BRD1: variants seen among roughly 807,000 people sequenced by gnomAD.
BRD1 encodes bromodomain-containing protein 1.
In BRD1, 24 loss-of-function variants were observed where a neutral mutation model predicts 107.7. The observed-to-expected ratio is 0.22, with a 90% CI of 0.16 to 0.31. The LOEUF (loss-of-function observed/expected upper bound fraction) is 0.31. BRD1 is among the 10% of genes least tolerant of loss of function. BRD1 has a pLI of 1.00. For missense variants in BRD1, 1,279 were observed against 1,638.6 expected (o/e 0.78, Z 3.79); for synonymous variants, 744 against 686.1 (o/e 1.08, Z -1.32).
chr22:49,786,299 G>T lies in BRD1; in HGVS notation c.2857+1091C>A, dbSNP rs533762008. ...CTCCAGAAGCGCAGCCAGTACCGAA[G>T]AAGCAAACCGATGACAGCTGCTCCT... On this transcript the variant is annotated intron_variant, in intron 8 of 12. Transcript: ENST00000404760. 2.0e-5 allele frequency among the ~76,000 whole-genome samples: 3 copies of T among 152,326 alleles called. No individual in the cohort carries two copies. In the East Asian group the frequency reaches 5.8e-4, roughly 29 times the overall value.
At chr22:49,807,822 T>C (rs547909582) in intron 2 of BRD1, among the ~76,000 whole-genome samples, 40 of 152,266 alleles carry the variant, frequency 2.6e-4, no homozygotes, top group African/African-American at 9.4e-4. Context: ...GAGGAAATAT[T>C]TTCAAATCAC....
At chr22:49,794,948 A>G (rs776421886) in intron 6 of BRD1, among the ~76,000 whole-genome samples, 3 of 152,236 alleles carry the variant, frequency 2.0e-5, no homozygotes, top group Non-Finnish European at 4.4e-5. Flanking sequence ...GGCCAAGAAA[A>G]GAAACTGCTC....
chr22:49,797,189 G>A (rs548654987), intron 6 of BRD1, among the ~76,000 whole-genome samples: 2 of 152,344 alleles, frequency 1.3e-5, no homozygotes, highest in South Asian at 2.1e-4. Flanking sequence ...ACTACACATG[G>A]CTGCAACACG....
intron 2 of BRD1, among the ~76,000 whole-genome samples, chr22:49,815,174 A>G: frequency 6.6e-6 from 1 of 152,212 alleles, no homozygotes; most frequent in East Asian, 1.9e-4. Flanking sequence ...GCCAGTGAGA[A>G]ACGCAGCCCA....
Position 49,823,830 on chromosome 22 carries a change from T to A in BRD1, c.488A>T (p.Tyr163Phe). The A allele has an allele frequency of 6.2e-7, 1 of 1,614,182 alleles. No individual in the cohort carries two copies. The highest frequency in any genetic ancestry group is 8.5e-7 in the Non-Finnish European group (1 of 1,180,032). Residue 163 changes from tyrosine to phenylalanine, a missense_variant, in exon 2 of 13, where the codon TAT becomes TTT. By Grantham distance (22) the Tyr-to-Phe change is conservative. Around this residue, in one of 7 missense-constraint regions of BRD1, gnomAD observed 223 missense variants for 263.5 expected, o/e 0.85. Coordinates refer to ENST00000404760, the MANE Select transcript of BRD1 (RefSeq NM_001304808.3). ...EVEYDMDEED[Y>F]AWLEIVNEKR... ...CTCATTGACGATCTCCAGCCAGGCATAGTCCTCCTCGTCCATGTCATACTC... is the reference window on the plus strand; with the variant it reads ...CTCATTGACGATCTCCAGCCAGGCAAAGTCCTCCTCGTCCATGTCATACTC...
Position 49,799,086 on chromosome 22 carries a change from C to G in BRD1, c.1558G>C (p.Glu520Gln). The G allele has an allele frequency of 6.2e-7, 1 of 1,609,840 alleles. No individual in the cohort carries two copies. ...AGCCGCTGCCAGTACTTCAGCTTCTCTTTGGCAGCCTTCATCTCCTCATCA... is the reference window on the plus strand; with the variant it reads ...AGCCGCTGCCAGTACTTCAGCTTCTGTTTGGCAGCCTTCATCTCCTCATCA... ...ENDEEMKAAK[E>Q]KLKYWQRLRH... The change falls in exon 4 of 13, where the codon GAG becomes CAG. Residue 520 changes from glutamate (E) to glutamine (Q), a missense_variant. By Grantham distance (29) the Glu-to-Gln change is conservative. Around this residue, in one of 7 missense-constraint regions of BRD1, gnomAD observed 406 missense variants for 519.4 expected, o/e 0.78. Coordinates refer to ENST00000404760, the MANE Select transcript of BRD1 (RefSeq NM_001304808.3).
At chr22:49,794,348 ACACATCAC>A in intron 6 of BRD1, 54 bp from the exon 7 acceptor site, 1 of 1,554,580 alleles carries the variant, frequency 6.4e-7, no homozygotes, top group South Asian at 1.2e-5. Flanking sequence ...CCTTCTGGGA[ACACATCAC>A]CGGTCCCGTC....
At position 49,803,566 on chromosome 22, in the gene BRD1, G is replaced by A. The variant is rs571096764; in HGVS notation, c.1524+638C>T. ...TCTGTAAACCCATTTTTTCAGAACT[G>A]TTTCACAGTATCAGATGAGTCTATA... On this transcript the variant is annotated intron_variant, in intron 3 of 12. Coordinates refer to ENST00000404760, the MANE Select transcript of BRD1 (RefSeq NM_001304808.3). This position sits in a 1 kb window ranked among gnomAD's most constrained non-coding sequence, Gnocchi z 4.4. Among the ~76,000 whole-genome samples, 54 of 152,252 alleles carry A rather than the reference G, an allele frequency of 3.5e-4. No individual in the cohort carries two copies. In the South Asian group the frequency reaches 3.7e-3, roughly 11 times the overall value.
intron 7 of BRD1, among the ~76,000 whole-genome samples, chr22:49,789,762 G>A (rs909692317): frequency 6.6e-6 from 1 of 152,210 alleles, no homozygotes; most frequent in Admixed American, 6.5e-5. Flanking sequence ...GCAACCCTCA[G>A]AACCACCACT....
In BRD1 at chr22:49,785,957, A is replaced by C. The variant is rs181486978; in HGVS notation, c.2857+1433T>G. Among the ~76,000 whole-genome samples the C allele has an allele frequency of 4.2e-3, 644 of 152,296 alleles. 3 individuals carry two copies. The highest frequency in any genetic ancestry group is 0.014 in the African/African-American group (588 of 41,552). Reference sequence around the variant, plus strand: ...AAGGAACAGGGACAAGATGTGAGGGAGTGGCCTGGGCAGGTCTTGCCCACC... The same window carrying C: ...AAGGAACAGGGACAAGATGTGAGGGCGTGGCCTGGGCAGGTCTTGCCCACC... On this transcript the variant is annotated intron_variant, in intron 8 of 12. Transcript: ENST00000404760.
At chr22:49,826,390 C>T (rs572070948) in intron 1 of BRD1, 142 of 367,324 alleles carry the variant, frequency 3.9e-4, no homozygotes, top group Non-Finnish European at 5.2e-4. Context: ...CCCACGACCT[C>T]CTCTGCTTCA....
At chr22:49,813,807 T>G (rs1289017255) in intron 2 of BRD1, among the ~76,000 whole-genome samples, 1 of 149,226 alleles carries the variant, frequency 6.7e-6, no homozygotes, top group Non-Finnish European at 1.5e-5. Context: ...CCAGCCTGGG[T>G]GACAGAGTGA....
At chr22:49,817,325 A>G (rs777793719) in intron 2 of BRD1, 3 of 198,862 alleles carry the variant, frequency 1.5e-5, no homozygotes, top group Non-Finnish European at 2.2e-5. Context: ...AGAAATAAAA[A>G]GAGGCAGCAG....
rs188320770 is a variant in BRD1, at chr22:49,819,765, T to C, written c.1367+3186A>G. ...ACCCAGCCCTGCCTGTTTTTCAAAGTGTTTATTTACCGCTGTTATTATTTA... is the reference window on the plus strand; with the variant it reads ...ACCCAGCCCTGCCTGTTTTTCAAAGCGTTTATTTACCGCTGTTATTATTTA... On this transcript the variant is annotated intron_variant, in intron 2 of 12. Coordinates refer to ENST00000404760, the MANE Select transcript of BRD1 (RefSeq NM_001304808.3). 1.7e-3 allele frequency among the ~76,000 whole-genome samples: 258 copies of C among 152,106 alleles called. 1 individual carries two copies. The highest frequency in any genetic ancestry group is 2.7e-3 in the Non-Finnish European group (183 of 67,980).
At chr22:49,796,543 A>C (rs2147127877) in intron 6 of BRD1, among the ~76,000 whole-genome samples, 1 of 152,216 alleles carries the variant, frequency 6.6e-6, no homozygotes, top group South Asian at 2.1e-4. Context: ...TTTGCAGTAG[A>C]AACGGGGTTT....
intron 2 of BRD1, among the ~76,000 whole-genome samples, chr22:49,809,407 A>C (rs1459029370): frequency 6.6e-6 from 1 of 151,772 alleles, no homozygotes; most frequent in Non-Finnish European, 1.5e-5. Flanking sequence ...AGGCGTGGTG[A>C]CAGGTGCCTG....
chr22:49,789,222 C>G (rs2059385799), intron 7 of BRD1, among the ~76,000 whole-genome samples: 1 of 152,170 alleles, frequency 6.6e-6, no homozygotes, highest in African/African-American at 2.4e-5. Context: ...GGGGCACATG[C>G]GAGGTGACAA....
At chr22:49,776,000 G>C in intron 11 of BRD1, 50 bp downstream of exon 11, 1 of 1,534,472 alleles carries the variant, frequency 6.5e-7, no homozygotes, top group Non-Finnish European at 8.9e-7. Flanking sequence ...CCGCCCCGCA[G>C]CTGTGTGAGC....
At chr22:49,787,068 C>T (rs928736522) in intron 8 of BRD1, among the ~76,000 whole-genome samples, 2 of 151,934 alleles carry the variant, frequency 1.3e-5, no homozygotes, top group Non-Finnish European at 1.5e-5. Context: ...GGTGACAAAG[C>T]AAGACTCTCT....
Sources: allele counts gnomAD v4.1 joint callset (sites outside exome capture counted in the v4.1 genomes callset), GRCh38; gene constraint gnomAD v4.1.1; regional missense constraint gnomAD v4.1.1; non-coding constraint Gnocchi (gnomAD v3.1); transcripts MANE v1.5; gene names NCBI Gene and HGNC (gene_info 2026-07-23, HGNC 2026-07-21).